CHDH: variants seen among roughly 807,000 people sequenced by gnomAD.
The protein encoded by CHDH is choline dehydrogenase.
A neutral mutation model predicts 56.9 loss-of-function variants in CHDH; 43 were observed. The observed-to-expected ratio is 0.76, with a 90% CI of 0.59 to 0.97. The LOEUF (loss-of-function observed/expected upper bound fraction) is 0.97. Ranked by LOEUF, CHDH falls within the 50% of genes least tolerant of loss-of-function variation. The probability of loss-of-function intolerance (pLI) is 0.00; values close to 1 mark genes in which losing one functional copy is unlikely to be tolerated. For synonymous variants in CHDH, 364 were observed against 348.5 expected (o/e 1.04, Z -0.50); for missense variants, 816 against 821.1 (o/e 0.99, Z 0.08).
rs1410453633 is a variant in CHDH at position 53,814,345 on chromosome 3, C to T, written c.*3432G>A. 2.6e-5 allele frequency: 4 copies of T among 152,226 alleles called. No homozygotes were observed. The highest frequency in any genetic ancestry group is 9.7e-5 in the African/African-American group (4 of 41,442). The allele number at this position is 152,226 out of a possible 1,614,324, so 9.4% of individuals were successfully genotyped here. A position where few individuals can be genotyped will look rare whatever the true frequency, so the allele number is the denominator to read the frequency against. The stretch of plus-strand genomic sequence containing the variant: ...GCCCCGACTCCCTGATTAGCCCACC[C>T]CAACTCAAAATCTGACTCCAGGGAT... On this transcript the variant is annotated 3_prime_UTR_variant, in exon 9 of 9. Transcript: ENST00000315251.
intron 8 of CHDH, 104 bp from the exon 9 acceptor site, chr3:53,818,299 G>T (rs1576774762): frequency 9.3e-7 from 1 of 1,075,028 alleles, no homozygotes; most frequent in Non-Finnish European, 1.3e-6. Context: ...TGAGGGGATG[G>T]TGTTTGGGGA....
chr3:53,824,108 T>C (rs2095634389), intron 2 of CHDH, 41 bp from the exon 3 acceptor site: 1 of 1,169,256 alleles, frequency 8.6e-7, no homozygotes, highest in African/African-American at 1.6e-5. Flanking sequence ...TAACTCCGCA[T>C]ATCCAGGGTA....
In CHDH at chr3:53,818,080, T is replaced by A; in HGVS notation, c.1482A>T (p.Ser494=). 1 of 1,614,220 alleles carries A rather than the reference T, an allele frequency of 6.2e-7. No homozygotes were observed. Among genetic ancestry groups the A allele is most frequent in the Non-Finnish European group, 8.5e-7 (1 of 1,180,044 alleles). ...KELQPGSHIQ[S]DKEIDAFVRA... is the part of the protein sequence containing the mutation. ...GCACAAAGGCATCTATCTCTTTATC[T>A]GACTGAATGTGGCTTCCTGGCTGGA... Residue 494 remains serine, a synonymous_variant, in exon 9 of 9, where the codon TCA becomes TCT. Transcript: ENST00000315251.
intron 2 of CHDH, among the ~76,000 whole-genome samples, chr3:53,832,403 G>A (rs1698363916): frequency 6.6e-6 from 1 of 152,124 alleles, no homozygotes; most frequent in Non-Finnish European, 1.5e-5. Context: ...ATGGTGGTGG[G>A]TGCCTATAAT....
intron 2 of CHDH, among the ~76,000 whole-genome samples, chr3:53,830,209 A>G (rs1698292116): frequency 6.6e-6 from 1 of 152,050 alleles, no homozygotes; most frequent in Non-Finnish European, 1.5e-5. Flanking sequence ...TTTGGTGGAA[A>G]TTGAAATGCT....
In CHDH at chr3:53,823,361, G is replaced by A; in HGVS notation, c.648C>T (p.Asp216=). ...AGCCCTCCTGCTGGAAGCCATTCAT[G>A]TCCTCGGTGAGCGGGTAGCCGGCCT... ...TQQAGYPLTE[D]MNGFQQEGFG... is the part of the protein sequence containing the mutation. Residue 216 remains aspartate (D), a synonymous_variant, in exon 3 of 9, where the codon GAC becomes GAT. Transcript: ENST00000315251. The A allele has an allele frequency of 6.2e-7, 1 of 1,604,116 alleles. No homozygotes were observed. The highest frequency in any genetic ancestry group is 8.5e-7 in the Non-Finnish European group (1 of 1,174,676).
intron 4 of CHDH, 26 bp from the exon 5 acceptor site, chr3:53,821,802 C>A (rs1189051194): frequency 6.2e-7 from 1 of 1,610,876 alleles, no homozygotes; most frequent in South Asian, 1.1e-5. Context: ...CCAGGTCACT[C>A]CCTGAAAAGC....
At chr3:53,826,025 A>G (rs2095638415) in intron 2 of CHDH, among the ~76,000 whole-genome samples, 3 of 152,138 alleles carry the variant, frequency 2.0e-5, no homozygotes, top group Admixed American at 6.5e-5. Flanking sequence ...GATAATTTAG[A>G]TGAAATGGAC....
chr3:53,818,015 C>T lies in CHDH; in HGVS notation c.1547G>A (p.Cys516Tyr). Residue 516 changes from cysteine to tyrosine, a missense_variant, in exon 9 of 9, where the codon TGT becomes TAT. Cys to Tyr is a radical substitution (Grantham distance 194, BLOSUM62 -2). Transcript: ENST00000315251. Reference sequence around the variant, plus strand: ...GGGATCGGAGGGCTGGCCCATCTTACAGGTGCACGAGGGGTGGTAGGCGCT... The same window carrying T: ...GGGATCGGAGGGCTGGCCCATCTTATAGGTGCACGAGGGGTGGTAGGCGCT... ...ADSAYHPSCT[C>Y]KMGQPSDPTA... 6.2e-7 allele frequency: 1 copy of T among 1,614,220 alleles called. No homozygotes were observed. The highest frequency in any genetic ancestry group is 1.3e-5 in the African/African-American group (1 of 75,078).
At chr3:53,831,900 GC>G (rs1698343870) in intron 2 of CHDH, among the ~76,000 whole-genome samples, 1 of 150,982 alleles carries the variant, frequency 6.6e-6, no homozygotes, top group Non-Finnish European at 1.5e-5. Flanking sequence ...GCTGCAGTGA[GC>G]CGAGATGGCA....
rs1228530672 is a variant in CHDH, at chr3:53,812,571, T to TTGAC, written c.*5202_*5205dup. 7.0e-6 allele frequency: 1 copy of TTGAC among 142,940 alleles called. No homozygotes were observed. Among genetic ancestry groups the TTGAC allele is most frequent in the African/African-American group, 2.5e-5 (1 of 39,428 alleles). 8.9% of individuals were successfully genotyped at this position (142,940 alleles called of 1,614,324 possible). ...TGCAACTGTCTTTGGTTTTGTTTGT[T>TTGAC]TGACTTGAACCACCCTCTGGTAAGT... On this transcript the variant is annotated 3_prime_UTR_variant, in exon 9 of 9. Coordinates refer to ENST00000315251, the MANE Select transcript of CHDH (RefSeq NM_018397.5).
At chr3:53,836,498 T>A (rs2106979908) in intron 2 of CHDH, among the ~76,000 whole-genome samples, 1 of 152,308 alleles carries the variant, frequency 6.6e-6, no homozygotes, top group African/African-American at 2.4e-5. Context: ...TCACCTTCCC[T>A]CAGGCATGGA....
At chr3:53,833,050 G>A (rs1360374897) in intron 2 of CHDH, among the ~76,000 whole-genome samples, 2 of 152,154 alleles carry the variant, frequency 1.3e-5, no homozygotes, top group South Asian at 4.1e-4. Context: ...ATTCCTGGGG[G>A]TTTTCATTTG....
At position 53,818,985 on chromosome 3, in the gene CHDH, G is replaced by A. The variant is rs1201979991; in HGVS notation, c.1319C>T (p.Ala440Val). The A allele has an allele frequency of 6.2e-7, 1 of 1,613,934 alleles. No individual in the cohort carries two copies. Among genetic ancestry groups the A allele is most frequent in the East Asian group, 2.2e-5 (1 of 44,886 alleles). The change falls in exon 8 of 9, where the codon GCC becomes GTC. Residue 440 changes from alanine (A) to valine (V), a missense_variant. Ala to Val is a moderately conservative substitution (Grantham distance 64). Transcript: ENST00000315251. ...GATCACAGGGTGGTCTTGGGGATTG[G>A]CACTTCTCAGTTTGAGCCAGCCCAC... The part of the protein sequence containing the change: ...TSVGWLKLRS[A>V]NPQDHPVIQP...
chr3:53,839,014 C>T (rs561722145), intron 2 of CHDH, among the ~76,000 whole-genome samples: 1 of 152,230 alleles, frequency 6.6e-6, no homozygotes, highest in East Asian at 1.9e-4. Flanking sequence ...CCTCAGGCTA[C>T]CCCAGAACCA....
intron 8 of CHDH, among the ~76,000 whole-genome samples, chr3:53,818,679 T>G (rs1249829219): frequency 6.6e-6 from 1 of 152,240 alleles, no homozygotes; most frequent in Non-Finnish European, 1.5e-5. Context: ...GTGGTCTCCC[T>G]GCACATCATG....
At position 53,818,075 on chromosome 3, in the gene CHDH, T is replaced by C; in HGVS notation, c.1487A>G (p.Lys496Arg). 1.2e-6 allele frequency: 2 copies of C among 1,614,148 alleles called. No homozygotes were observed. The highest frequency in any genetic ancestry group is 1.7e-6 in the Non-Finnish European group (2 of 1,180,020). ...TGCCCGCACAAAGGCATCTATCTCT[T>C]TATCTGACTGAATGTGGCTTCCTGG... ...LQPGSHIQSD[K>R]EIDAFVRAKA... The change falls in exon 9 of 9, where the codon AAA (lysine) becomes AGA (arginine). Residue 496 changes from lysine (K) to arginine (R), a missense_variant. Lys to Arg is a conservative substitution (Grantham distance 26, BLOSUM62 2). Transcript: ENST00000315251.
At chr3:53,828,720 T>C (rs1410780687) in intron 2 of CHDH, among the ~76,000 whole-genome samples, 1 of 152,186 alleles carries the variant, frequency 6.6e-6, no homozygotes, top group East Asian at 1.9e-4. Flanking sequence ...CATATTAGAA[T>C]GGCCAAAATC....
intron 1 of CHDH, among the ~76,000 whole-genome samples, chr3:53,845,800 C>G (rs1444019764): frequency 3.3e-5 from 5 of 152,240 alleles, no homozygotes; most frequent in Non-Finnish European, 7.3e-5. Context: ...TCCGAACTCA[C>G]TTGGTGGAAA....
Sources: gnomAD v4.1 joint callset for allele counts (sites outside exome capture counted in the v4.1 genomes callset) on GRCh38, gnomAD v4.1.1 for gene constraint, MANE v1.5 for transcripts, NCBI Gene and HGNC (gene_info 2026-07-23, HGNC 2026-07-21) for gene names.